CDH12: variants seen among roughly 807,000 people sequenced by gnomAD.
The protein encoded by CDH12 is cadherin 12, also known as cadherin-12.
In CDH12, 41 loss-of-function variants were observed where a neutral mutation model predicts 74.1. That is an observed-to-expected ratio of 0.55 (90% CI 0.43 to 0.72). The LOEUF (loss-of-function observed/expected upper bound fraction) is 0.72, where lower values mean the gene tolerates loss of function less well. CDH12 is among the 30% of genes least tolerant of loss of function. CDH12 has a pLI of 0.00. For synonymous variants in CDH12, 399 were observed against 355.0 expected (o/e 1.12, Z -1.39); for missense variants, 945 against 977.2 (o/e 0.97, Z 0.44).
At chr5:22,751,356 A>G (rs544701037) in intron 1 of CDH12, among the ~76,000 whole-genome samples, 2 of 148,400 alleles carry the variant, frequency 1.3e-5, no homozygotes, top group African/African-American at 4.9e-5. Flanking sequence ...ATATATATAT[A>G]TAATATCTAC....
At chr5:22,351,019 G>A (rs1216112346) in intron 3 of CDH12, among the ~76,000 whole-genome samples, 1 of 152,070 alleles carries the variant, frequency 6.6e-6, no homozygotes, top group Admixed American at 6.6e-5. Flanking sequence ...TGAAGATAAT[G>A]GAATTCAGGC....
At chr5:22,191,581 T>TTTTTTTTTTTA (rs1750290541) in intron 4 of CDH12, among the ~76,000 whole-genome samples, 1 of 96,784 alleles carries the variant, frequency 1.0e-5, no homozygotes, top group African/African-American at 3.4e-5. Context: ...TTTTTTTTTT[T>TTTTTTTTTTTA]TGAGACGGAG....
chr5:21,849,830 G>A (rs529057731), intron 7 of CDH12, among the ~76,000 whole-genome samples: 19 of 151,698 alleles, frequency 1.3e-4, no homozygotes, highest in Admixed American at 3.3e-4. Flanking sequence ...TGAAATTATC[G>A]CCTCATAAAG....
intron 8 of CDH12, among the ~76,000 whole-genome samples, chr5:21,828,737 C>T (rs1252872393): frequency 1.3e-5 from 2 of 151,844 alleles, no homozygotes; most frequent in East Asian, 1.9e-4. Flanking sequence ...TGTTTTGTTG[C>T]TTTTACCTAA....
chr5:21,987,532 C>T (rs565044403), intron 5 of CDH12, among the ~76,000 whole-genome samples: 249 of 152,296 alleles, frequency 1.6e-3, no homozygotes, highest in Non-Finnish European at 3.2e-3. Context: ...ACAATTGCAA[C>T]TATTTGGCTT....
intron 6 of CDH12, among the ~76,000 whole-genome samples, chr5:21,907,435 T>G (rs1288927734): frequency 1.3e-5 from 2 of 152,130 alleles, no homozygotes; most frequent in Non-Finnish European, 2.9e-5. Flanking sequence ...AAAATACAAT[T>G]TGCTCCTATG....
At chr5:22,299,305 T>A (rs1348043814) in intron 3 of CDH12, among the ~76,000 whole-genome samples, 1 of 152,096 alleles carries the variant, frequency 6.6e-6, no homozygotes, top group Non-Finnish European at 1.5e-5. Context: ...TAGGGCCATG[T>A]AGTGCCCTGG....
At chr5:22,433,398 T>C (rs1306202583) in intron 2 of CDH12, among the ~76,000 whole-genome samples, 2 of 152,090 alleles carry the variant, frequency 1.3e-5, no homozygotes, top group Non-Finnish European at 2.9e-5. Flanking sequence ...AATCACAATA[T>C]TTTATGTAAA....
At chr5:22,249,612 CATA>C (rs994505029) in intron 3 of CDH12, among the ~76,000 whole-genome samples, 18 of 152,052 alleles carry the variant, frequency 1.2e-4, no homozygotes, top group Non-Finnish European at 2.5e-4. Context: ...AGGTGTCTGA[CATA>C]ATATGATTAC....
intron 6 of CDH12, among the ~76,000 whole-genome samples, chr5:21,935,932 T>C (rs559740390): frequency 8.1e-4 from 124 of 152,334 alleles, no homozygotes; most frequent in African/African-American, 2.7e-3. Flanking sequence ...AACTCATTTT[T>C]TTTTATGGCT....
At chr5:22,748,684 A>C (rs1388721274) in intron 1 of CDH12, among the ~76,000 whole-genome samples, 2 of 152,168 alleles carry the variant, frequency 1.3e-5, no homozygotes, top group Non-Finnish European at 2.9e-5. Context: ...CACAGAAATG[A>C]AATCTTAAGA....
At chr5:22,840,781 T>A (rs771596055) in intron 1 of CDH12, among the ~76,000 whole-genome samples, 4 of 152,162 alleles carry the variant, frequency 2.6e-5, no homozygotes, top group Admixed American at 6.5e-5. Flanking sequence ...TTATACAATT[T>A]GCATATTAAA....
chr5:22,436,269 TG>T (rs1475010347), intron 2 of CDH12, among the ~76,000 whole-genome samples: 1 of 52,186 alleles, frequency 1.9e-5, no homozygotes, highest in Non-Finnish European at 3.4e-5. Context: ...GGGCCTGTTG[TG>T]GGGTAGGGGG....
chr5:22,202,392 G>C (rs998722819), intron 4 of CDH12, among the ~76,000 whole-genome samples: 1 of 152,150 alleles, frequency 6.6e-6, no homozygotes, highest in African/African-American at 2.4e-5. Flanking sequence ...ATTTTAGGTA[G>C]AATGGTAAGA....
intron 3 of CDH12, among the ~76,000 whole-genome samples, chr5:22,240,698 T>A (rs572311280): frequency 6.6e-6 from 1 of 152,120 alleles, no homozygotes; most frequent in African/African-American, 2.4e-5. Context: ...CATGCCGGGC[T>A]AATTTTTGTA....
intron 1 of CDH12, among the ~76,000 whole-genome samples, chr5:22,771,089 A>G (rs1189325587): frequency 1.3e-5 from 2 of 152,138 alleles, no homozygotes. Flanking sequence ...CCTAAAAGTA[A>G]TACAGATGAA....
intron 4 of CDH12, among the ~76,000 whole-genome samples, chr5:22,094,458 T>G (rs1452697030): frequency 1.3e-5 from 2 of 151,948 alleles, no homozygotes; most frequent in Admixed American, 6.6e-5. Context: ...TGAAGCTGAG[T>G]TTAGCACAAA....
intron 4 of CDH12, among the ~76,000 whole-genome samples, chr5:22,142,028 TG>T (rs1212413788): frequency 2.0e-5 from 3 of 152,096 alleles, no homozygotes; most frequent in Non-Finnish European, 2.9e-5. Flanking sequence ...CCTGGGCTTT[TG>T]GAATGAGAAA....
chr5:22,620,305 G>A lies in CDH12; in HGVS notation c.-522-114941C>T, dbSNP rs185018422. Among the ~76,000 whole-genome samples, 25 of 152,136 alleles carry A rather than the reference G, an allele frequency of 1.6e-4. No individual in the cohort carries two copies. In the East Asian group the frequency reaches 4.8e-3, roughly 29 times the overall value. The stretch of plus-strand genomic sequence containing the variant: ...GAAGTTCTAATGACAGAATGGTGAT[G>A]AAGAATTGTAGTAAGAAAAATAATG... On this transcript the variant is annotated intron_variant, in intron 1 of 14. Transcript: ENST00000382254.
Sources: gnomAD v4.1 joint callset for allele counts (sites outside exome capture counted in the v4.1 genomes callset) on GRCh38, gnomAD v4.1.1 for gene constraint, MANE v1.5 for transcripts, NCBI Gene and HGNC (gene_info 2026-07-23, HGNC 2026-07-21) for gene names.